The following CFAP299 variants were observed in gnomAD, a reference collection of about 807,000 sequenced individuals.
CFAP299 encodes the protein cilia and flagella associated protein 299, also known as cilia- and flagella-associated protein 299.
CFAP299 carries 21 observed loss-of-function variants against 27.0 expected under a neutral mutation model. The observed-to-expected ratio is 0.78, with a 90% confidence interval of 0.55 to 1.12. CFAP299 has a LOEUF of 1.12. Among genes scored for constraint, CFAP299 ranks in the 50% most tolerant of loss-of-function variants. The pLI, the probability that CFAP299 is intolerant of heterozygous loss-of-function variation, is 0.00. For missense variants in CFAP299, 310 were observed against 276.6 expected, an observed-to-expected ratio of 1.12 and a Z score of -0.86; for synonymous variants, 104 against 98.1, an observed-to-expected ratio of 1.06 and a Z score of -0.36.
intron 2 of CFAP299, among the ~76,000 whole-genome samples, chr4:80,397,541 C>G (rs1578398979): frequency 6.6e-6 from 1 of 152,164 alleles, no homozygotes; most frequent in East Asian, 1.9e-4. Context: ...TCCCTCTACA[C>G]ACTGCTTTAA....
chr4:80,949,959 C>T (rs557867841), intron 5 of CFAP299, among the ~76,000 whole-genome samples: 3 of 151,968 alleles, frequency 2.0e-5, no homozygotes, highest in African/African-American at 4.8e-5. Context: ...ATAACAGTAA[C>T]CCAGGTGAAA....
At chr4:80,520,855 C>T (rs1732872603) in intron 2 of CFAP299, among the ~76,000 whole-genome samples, 4 of 152,032 alleles carry the variant, frequency 2.6e-5, no homozygotes, top group Admixed American at 1.3e-4. Context: ...TAATTTAAGA[C>T]AATTTATGAC....
At chr4:80,791,078 T>C (rs1249535154) in intron 3 of CFAP299, among the ~76,000 whole-genome samples, 1 of 152,052 alleles carries the variant, frequency 6.6e-6, no homozygotes, top group Non-Finnish European at 1.5e-5. Flanking sequence ...CCTTATAAGT[T>C]TTCAATGACT....
At position 80,869,988 on chromosome 4, in the gene CFAP299, A is replaced by G. The variant is rs780497729; in HGVS notation, c.334-5A>G. On this transcript the variant is annotated splice_polypyrimidine_tract_variant and splice_region_variant and intron_variant, in intron 3 of 5. Transcript: ENST00000358105. The stretch of plus-strand genomic sequence containing the variant: ...TTTGTCTTATTCTCTATTCTGTGCT[A>G]CCAGTCCGTGATCTTTATTCGTGAC... The G allele has an allele frequency of 1.2e-6, 2 of 1,607,408 alleles. No individual in the cohort carries two copies. Among genetic ancestry groups the G allele is most frequent in the East Asian group, 2.2e-5 (1 of 44,768 alleles).
chr4:80,830,213 G>A (rs112808641), intron 3 of CFAP299, among the ~76,000 whole-genome samples: 3 of 152,022 alleles, frequency 2.0e-5, no homozygotes, highest in African/African-American at 4.8e-5. Context: ...GTCAAATAAC[G>A]AATGTGAAAA....
At chr4:80,437,351 A>C (rs6534931) in intron 2 of CFAP299, among the ~76,000 whole-genome samples, 142,629 of 152,198 alleles carry the variant, frequency 0.94, 67,424 homozygotes, top group East Asian at 1. Flanking sequence ...GCTAGCCTGC[A>C]ATAGTGTAAT....
chr4:80,850,041 G>A (rs76045448), intron 3 of CFAP299, among the ~76,000 whole-genome samples: 2,753 of 151,970 alleles, frequency 0.018, 39 homozygotes, highest in African/African-American at 0.039. Context: ...AACTGAGGAG[G>A]TAAAAAAGTC....
At position 80,558,355 on chromosome 4, in the gene CFAP299, TTTGTTTGTTTG is replaced by T. The variant is rs1734878739; in HGVS notation, c.243-24735_243-24725del. On this transcript the variant is annotated intron_variant, in intron 2 of 5. Transcript: ENST00000358105. ...CTTTTGTGGTTTTTTTGTTTGTTTG[TTTGTTTGTTTG>T]TTTTTTTTTTGGCCAGGAACCTTAA... 4.3e-5 allele frequency among the ~76,000 whole-genome samples: 6 copies of T among 138,096 alleles called. No homozygotes were observed. The South Asian group carries it at 1.2e-3, about 27-fold the overall frequency. 90.6% of individuals were successfully genotyped at this position (138,096 alleles called of 152,430 possible).
chr4:80,844,701 T>G (rs981395847), intron 3 of CFAP299, among the ~76,000 whole-genome samples: 4 of 152,102 alleles, frequency 2.6e-5, no homozygotes, highest in African/African-American at 4.8e-5. Flanking sequence ...CCATTCTGTA[T>G]GTTGCCTGTT....
chr4:80,353,682 G>T (rs1167900704), intron 1 of CFAP299, among the ~76,000 whole-genome samples: 1 of 152,106 alleles, frequency 6.6e-6, no homozygotes, highest in African/African-American at 2.4e-5. Context: ...TTGTTGTGGG[G>T]CTTTCTCCCT....
Position 80,473,446 on chromosome 4 carries a change from TA to T in CFAP299, c.243-109636del, listed in dbSNP as rs566415594. 8.8e-3 allele frequency among the ~76,000 whole-genome samples: 1,307 copies of T among 148,376 alleles called. 26 individuals carry two copies. Among genetic ancestry groups the T allele is most frequent in the African/African-American group, 0.025 (1,008 of 40,610 alleles). On this transcript the variant is annotated intron_variant, in intron 2 of 5. Coordinates refer to ENST00000358105, the MANE Select transcript of CFAP299 (RefSeq NM_152770.3). ...TTATCTGTTTAAATGGTCTCCTGCT[TA>T]AAAAAAAAAATCTAATGTGTAAATT...
chr4:80,688,061 T>C (rs1216867234), intron 3 of CFAP299, among the ~76,000 whole-genome samples: 1 of 152,164 alleles, frequency 6.6e-6, no homozygotes, highest in Non-Finnish European at 1.5e-5. Flanking sequence ...TCTCGCTGAT[T>C]GGTAGCACAG....
rs1228335351 is a variant in CFAP299 at position 80,674,807 on chromosome 4, A to G, written c.333+91624A>G. Reference sequence around the variant, plus strand: ...TCATTGATACACATTATTCAACTTGATCGAATCGGCTATTGAAGCTTATGC... The same window carrying G: ...TCATTGATACACATTATTCAACTTGGTCGAATCGGCTATTGAAGCTTATGC... On this transcript the variant is annotated intron_variant, in intron 3 of 5. Transcript: ENST00000358105. 2.0e-5 allele frequency among the ~76,000 whole-genome samples: 3 copies of G among 152,004 alleles called. No individual in the cohort carries two copies. The East Asian group carries it at 5.8e-4, about 29-fold the overall frequency.
intron 2 of CFAP299, among the ~76,000 whole-genome samples, chr4:80,536,196 T>C (rs1460986480): frequency 6.6e-6 from 1 of 152,180 alleles, no homozygotes; most frequent in Non-Finnish European, 1.5e-5. Context: ...AACTGCTCAG[T>C]AATGGGATAA....
intron 3 of CFAP299, among the ~76,000 whole-genome samples, chr4:80,589,324 C>A (rs558854537): frequency 1.3e-3 from 196 of 152,098 alleles, no homozygotes; most frequent in African/African-American, 4.0e-3. Context: ...ATTGAGCCCC[C>A]AAAGAAAGAA....
At chr4:80,848,290 T>G (rs79018526) in intron 3 of CFAP299, among the ~76,000 whole-genome samples, 5 of 152,070 alleles carry the variant, frequency 3.3e-5, no homozygotes, top group African/African-American at 1.2e-4. Context: ...TATAAAGTGA[T>G]GAGTACTAAC....
intron 2 of CFAP299, among the ~76,000 whole-genome samples, chr4:80,404,070 T>A (rs1726294807): frequency 6.6e-6 from 1 of 152,176 alleles, no homozygotes; most frequent in African/African-American, 2.4e-5. Flanking sequence ...CATACATGAT[T>A]TAAAAAATCA....
intron 2 of CFAP299, among the ~76,000 whole-genome samples, chr4:80,404,754 A>G (rs911434473): frequency 6.6e-5 from 10 of 152,166 alleles, no homozygotes; most frequent in African/African-American, 2.4e-4. Context: ...TAGATGTACA[A>G]ATATTTCTTT....
chr4:80,533,516 T>C (rs1444254416), intron 2 of CFAP299, among the ~76,000 whole-genome samples: 1 of 152,194 alleles, frequency 6.6e-6, no homozygotes, highest in Admixed American at 6.5e-5. Context: ...ATTTTAATTA[T>C]AGAAGAGCCT....
Sources: gnomAD v4.1 joint callset for allele counts (sites outside exome capture counted in the v4.1 genomes callset) on GRCh38, gnomAD v4.1.1 for gene constraint, MANE v1.5 for transcripts, NCBI Gene and HGNC (gene_info 2026-07-23, HGNC 2026-07-21) for gene names.